Variants in CROT observed in about 807,000 individuals in gnomAD.
The protein encoded by CROT is peroxisomal carnitine O-octanoyltransferase.
A neutral mutation model predicts 89.2 loss-of-function variants in CROT; 84 were observed. That is an observed-to-expected ratio of 0.94 (90% CI 0.79 to 1.13). CROT has a LOEUF of 1.13. Ranked by LOEUF, CROT falls within the 50% of genes most tolerant of loss-of-function variation. CROT has a pLI of 0.00. For synonymous variants in CROT, 212 were observed against 239.5 expected (o/e 0.89, Z 1.06); for missense variants, 711 against 727.8 (o/e 0.98, Z 0.27).
rs751122992 is a variant in CROT, at chr7:87,392,987, T to G, written c.1638T>G (p.Val546=). 6.2e-7 allele frequency: 1 copy of G among 1,613,750 alleles called. No homozygotes were observed. The change falls in exon 17 of 18, where the codon GTT becomes GTG. Residue 546 remains valine, a synonymous_variant. Transcript: ENST00000331536. ...GGNFVLSTSL[V]GYLRVQGVVV... is the part of the protein sequence containing the mutation. ...ATTTTGTTCTCTCAACAAGTCTGGT[T>G]GGCTATTTACGAGTCCAGGGAGTGG...
chr7:87,361,641 A>G, intron 5 of CROT, 70 bp downstream of exon 5: 3 of 1,528,082 alleles, frequency 2.0e-6, no homozygotes, highest in Non-Finnish European at 2.6e-6. Context: ...GAGAAGCTTA[A>G]TTTACTTATT....
At chr7:87,347,269 G>C (rs1317992206) in intron 2 of CROT, among the ~76,000 whole-genome samples, 1 of 152,214 alleles carries the variant, frequency 6.6e-6, no homozygotes. Context: ...GGATTAGCAG[G>C]GGTGGAATCT....
intron 6 of CROT, among the ~76,000 whole-genome samples, chr7:87,366,492 T>G (rs1190014526): frequency 6.6e-6 from 1 of 152,230 alleles, no homozygotes; most frequent in African/African-American, 2.4e-5. Flanking sequence ...AGTCATATTC[T>G]TGATGATTTT....
intron 3 of CROT, among the ~76,000 whole-genome samples, chr7:87,355,629 G>T (rs1294046199): frequency 6.6e-6 from 1 of 152,086 alleles, no homozygotes; most frequent in Non-Finnish European, 1.5e-5. Flanking sequence ...AAACTTCAGG[G>T]CATGCAAGCA....
chr7:87,377,570 G>A, intron 10 of CROT, 120 bp downstream of exon 10: 1 of 606,138 alleles, frequency 1.6e-6, no homozygotes, highest in Non-Finnish European at 2.9e-6. Context: ...TTATGGCACT[G>A]TGGTGAAAAG....
intron 10 of CROT, among the ~76,000 whole-genome samples, chr7:87,378,216 C>T (rs892400552): frequency 6.6e-6 from 1 of 151,736 alleles, no homozygotes; most frequent in Admixed American, 6.6e-5. Flanking sequence ...TGGTGTTGTG[C>T]GCCTGTGATC....
intron 6 of CROT, among the ~76,000 whole-genome samples, chr7:87,365,687 A>G (rs1806419739): frequency 6.7e-6 from 1 of 148,194 alleles, no homozygotes. Flanking sequence ...AGCTCACTGC[A>G]ACCTCGACCT....
At position 87,354,029 on chromosome 7, in the gene CROT, G is replaced by C. The variant is rs183518215; in HGVS notation, c.115+4846G>C. 7.2e-5 allele frequency among the ~76,000 whole-genome samples: 11 copies of C among 152,308 alleles called. No homozygotes were observed. The East Asian group carries it at 2.1e-3, about 29-fold the overall frequency. ...TAATAAATCCCAGCAATAAGACTAA[G>C]TCAGAGACTTAATTTAGGATTTTGA... On this transcript the variant is annotated intron_variant, in intron 3 of 17. Transcript: ENST00000331536.
At chr7:87,363,716 A>T (rs1375344103) in intron 6 of CROT, among the ~76,000 whole-genome samples, 3 of 152,238 alleles carry the variant, frequency 2.0e-5, no homozygotes, top group Non-Finnish European at 4.4e-5. Context: ...GACCAGATTT[A>T]TGCTTTAAAA....
At chr7:87,389,611 G>A (rs565845988) in intron 13 of CROT, among the ~76,000 whole-genome samples, 32 of 152,118 alleles carry the variant, frequency 2.1e-4, no homozygotes, top group Middle Eastern at 3.4e-3. Flanking sequence ...ATCACACACC[G>A]GGGGCTGTCA....
At chr7:87,366,243 T>C (rs186227491) in intron 6 of CROT, among the ~76,000 whole-genome samples, 19 of 135,284 alleles carry the variant, frequency 1.4e-4, no homozygotes, top group African/African-American at 6.7e-4. Flanking sequence ...CAAGGGGGAA[T>C]TTTTTTTTTC....
At chr7:87,347,697 GT>G (rs113692393) in intron 2 of CROT, among the ~76,000 whole-genome samples, 61 of 148,952 alleles carry the variant, frequency 4.1e-4, no homozygotes, top group African/African-American at 1.0e-3. Context: ...TAAAATAGAA[GT>G]TTTTTTTTTT....
chr7:87,377,287 A>G (rs1000198773), intron 9 of CROT, 62 bp from the exon 10 acceptor site: 1 of 982,866 alleles, frequency 1.0e-6, no homozygotes, highest in African/African-American at 1.6e-5. Flanking sequence ...TGTGTTTAAG[A>G]TGTAAATTCT....
chr7:87,398,325 C>T (rs1473042947), intron 17 of CROT, 199 bp from the exon 18 acceptor site: 2 of 699,580 alleles, frequency 2.9e-6, no homozygotes, highest in African/African-American at 1.8e-5. Flanking sequence ...AGGTGCTAGT[C>T]ATCTAATGAA....
chr7:87,363,032 C>A (rs1324087893), intron 6 of CROT, among the ~76,000 whole-genome samples: 2 of 151,810 alleles, frequency 1.3e-5, no homozygotes, highest in Non-Finnish European at 1.5e-5. Flanking sequence ...AAAAAATGAA[C>A]AAGATAAAAT....
chr7:87,398,816 G>T lies in CROT; in HGVS notation c.*172G>T, dbSNP rs572046955. 37 of 633,040 alleles carry T rather than the reference G, an allele frequency of 5.8e-5. No homozygotes were observed. The highest frequency in any genetic ancestry group is 9.0e-5 in the Non-Finnish European group (34 of 376,662). 39.2% of individuals were successfully genotyped at this position (633,040 alleles called of 1,614,324 possible). A position where few individuals can be genotyped will look rare whatever the true frequency, so the allele number is the denominator to read the frequency against. On this transcript the variant is annotated 3_prime_UTR_variant, in exon 18 of 18. Coordinates refer to ENST00000331536, the MANE Select transcript of CROT (RefSeq NM_021151.4). ...GAATCATGCTCTCTAAATTTATTCT[G>T]CCATAGAAGGTAGAAATATTTTTAA...
chr7:87,386,640 G>A (rs915024356), intron 13 of CROT, among the ~76,000 whole-genome samples: 2 of 152,082 alleles, frequency 1.3e-5, no homozygotes, highest in Non-Finnish European at 2.9e-5. Context: ...ATTGCTTACT[G>A]TTGTGGACTT....
At chr7:87,364,304 C>A (rs945054886) in intron 6 of CROT, among the ~76,000 whole-genome samples, 2 of 152,098 alleles carry the variant, frequency 1.3e-5, no homozygotes, top group African/African-American at 4.8e-5. Context: ...AGGTTCAATA[C>A]TGTATTTTCC....
At chr7:87,356,396 T>A (rs1485149780) in intron 3 of CROT, among the ~76,000 whole-genome samples, 2 of 152,140 alleles carry the variant, frequency 1.3e-5, no homozygotes, top group African/African-American at 4.8e-5. Flanking sequence ...TTCAAATGAG[T>A]TTCTAACATG....
Sources: gnomAD v4.1 joint callset for allele counts (sites outside exome capture counted in the v4.1 genomes callset) on GRCh38, gnomAD v4.1.1 for gene constraint, MANE v1.5 for transcripts, NCBI Gene and HGNC (gene_info 2026-07-23, HGNC 2026-07-21) for gene names.